Variants in THRAP3 observed in about 807,000 individuals in gnomAD.
THRAP3 encodes thyroid hormone receptor associated protein 3.
Under a neutral mutation model 101.0 loss-of-function variants are expected in THRAP3, and 16 were observed. The observed-to-expected ratio is 0.16, with a 90% CI of 0.11 to 0.24. THRAP3 has a LOEUF of 0.24. Among genes scored for constraint, THRAP3 ranks in the 10% least tolerant of loss-of-function variants. The pLI is 1.00. For synonymous variants in THRAP3, 407 were observed against 422.6 expected, an observed-to-expected ratio of 0.96 and a Z score of 0.45; for missense variants, 989 against 1,202.7, an observed-to-expected ratio of 0.82 and a Z score of 2.63.
intron 1 of THRAP3, among the ~76,000 whole-genome samples, chr1:36,253,760 A>ATTTTTT (rs58306701): frequency 0.8 from 80,596 of 100,172 alleles, 33,651 homozygotes; most frequent in South Asian, 0.91. Context: ...AGTCAGGCTA[A>ATTTTTT]TTTTTTTTTT....
At chr1:36,270,737 C>T (rs1266627300) in intron 2 of THRAP3, among the ~76,000 whole-genome samples, 2 of 151,788 alleles carry the variant, frequency 1.3e-5, no homozygotes, top group African/African-American at 4.8e-5. Flanking sequence ...CCCACCACGC[C>T]TAGCGAATTT....
intron 2 of THRAP3, among the ~76,000 whole-genome samples, chr1:36,267,390 G>C (rs1033986955): frequency 2.6e-5 from 4 of 152,116 alleles, no homozygotes; most frequent in Non-Finnish European, 5.9e-5. Flanking sequence ...CAATACAGCT[G>C]TTCCGAATCA....
chr1:36,301,405 G>C (rs1158299729), intron 10 of THRAP3, 148 bp from the exon 11 acceptor site: 1 of 1,071,922 alleles, frequency 9.3e-7, no homozygotes. Context: ...TGAGCAGAAA[G>C]GGAATGGCTG....
At chr1:36,272,325 T>C (rs1287991521) in intron 2 of THRAP3, among the ~76,000 whole-genome samples, 1 of 152,218 alleles carries the variant, frequency 6.6e-6, no homozygotes, top group African/African-American at 2.4e-5. Flanking sequence ...AATTAGTATT[T>C]ACTGATTTAC....
upstream of THRAP3, among the ~76,000 whole-genome samples, chr1:36,220,972 A>ATATATATATATATAT (rs1553189233): frequency 1.1e-5 from 1 of 94,124 alleles, no homozygotes; most frequent in African/African-American, 4.7e-5. Context: ...AAAAAAAAAA[A>ATATATATATATATAT]ATATATATAT....
At chr1:36,213,173 G>T in the THRAP3 span, among the ~76,000 whole-genome samples, 1 of 152,118 alleles carries the variant, frequency 6.6e-6, no homozygotes, top group African/African-American at 2.4e-5. Context: ...TACCATGCAG[G>T]GCCTTGTAGA....
At chr1:36,296,488 C>T in intron 8 of THRAP3, 95 bp from the exon 9 acceptor site, 2 of 980,698 alleles carry the variant, frequency 2.0e-6, no homozygotes, top group Non-Finnish European at 1.5e-6. Context: ...GCTTCCTCTG[C>T]ACCCCTCCAT....
intron 1 of THRAP3, among the ~76,000 whole-genome samples, chr1:36,229,603 A>G (rs1223207626): frequency 6.6e-6 from 1 of 151,978 alleles, no homozygotes; most frequent in African/African-American, 2.4e-5. Context: ...TGTTTACAGT[A>G]CATATTTTAA....
chr1:36,249,451 A>G (rs1570262436), intron 1 of THRAP3, among the ~76,000 whole-genome samples: 1 of 151,970 alleles, frequency 6.6e-6, no homozygotes, highest in East Asian at 1.9e-4. Flanking sequence ...TCTGCCTCCC[A>G]AAGTGCTGAG....
At chr1:36,301,467 G>GA in intron 10 of THRAP3, 86 bp from the exon 11 acceptor site, 1 of 1,525,110 alleles carries the variant, frequency 6.6e-7, no homozygotes, top group Non-Finnish European at 8.8e-7. Context: ...TTCCACACCA[G>GA]AAAAATGTTT....
chr1:36,232,335 C>T (rs1409865507), intron 1 of THRAP3, among the ~76,000 whole-genome samples: 1 of 152,154 alleles, frequency 6.6e-6, no homozygotes, highest in South Asian at 2.1e-4. Context: ...TAAAGAGTTG[C>T]TGTATCACCT....
chr1:36,291,618 A>C (rs1027836988), intron 6 of THRAP3, 72 bp downstream of exon 6: 21 of 1,554,750 alleles, frequency 1.4e-5, no homozygotes, highest in Non-Finnish European at 1.8e-5. Flanking sequence ...TGGGTGGATA[A>C]GGAGTTTTGG....
upstream of THRAP3, among the ~76,000 whole-genome samples, chr1:36,221,716 T>A (rs1056056050): frequency 6.6e-6 from 1 of 152,094 alleles, no homozygotes; most frequent in Non-Finnish European, 1.5e-5. Flanking sequence ...CCCGAGTAGC[T>A]GGGATTACAG....
In THRAP3 at chr1:36,286,706, C is replaced by T. The variant is rs771846720; in HGVS notation, c.476C>T (p.Ser159Phe). The T allele has an allele frequency of 1.2e-6, 2 of 1,614,206 alleles. No individual in the cohort carries two copies. The highest frequency in any genetic ancestry group is 1.7e-6 in the Non-Finnish European group (2 of 1,180,038). Reference sequence around the variant, plus strand: ...TCTGACCGGTCAAGGCGCTCCTCATCCTCCCGTTCTTCCTCCAACCATAGC... The same window carrying T: ...TCTGACCGGTCAAGGCGCTCCTCATTCTCCCGTTCTTCCTCCAACCATAGC... ...SSSDRSRRSS[S>F]SRSSSNHSRV... is the part of the protein sequence containing the mutation. Residue 159 changes from serine to phenylalanine, a missense_variant, in exon 4 of 12, where the codon TCC becomes TTC. Transcript: ENST00000354618. The surrounding 1 kb of genome is among the most constrained non-coding windows in gnomAD (Gnocchi z 5.5).
upstream of THRAP3, among the ~76,000 whole-genome samples, chr1:36,221,753 C>A (rs1024228342): frequency 6.7e-6 from 1 of 150,218 alleles, no homozygotes; most frequent in Non-Finnish European, 1.5e-5. Flanking sequence ...CCAGCTAATT[C>A]TTTTGTATTT....
intron 2 of THRAP3, among the ~76,000 whole-genome samples, chr1:36,279,108 T>A (rs1238452959): frequency 6.6e-6 from 1 of 152,182 alleles, no homozygotes; most frequent in Admixed American, 6.5e-5. Flanking sequence ...TTTGGCTCTG[T>A]TTGTATTTAC....
In THRAP3 at chr1:36,300,962, G is replaced by C. The variant is rs1226674972; in HGVS notation, c.2380G>C (p.Glu794Gln). The change falls in exon 10 of 12, where the codon GAG becomes CAG. Residue 794 changes from glutamate (E) to glutamine (Q), a missense_variant. Physicochemically the swap from Glu to Gln is conservative, Grantham distance 29. Transcript: ENST00000354618. ...GTCATCTCACTCCTACAAAGCAGAA[G>C]AGTACACTGAAGAGACAGAGGAAAG... The part of the protein sequence containing the change: ...SQSSHSYKAE[E>Q]YTEETEEREE... The C allele has an allele frequency of 6.2e-7, 1 of 1,614,032 alleles. No individual in the cohort carries two copies. The highest frequency in any genetic ancestry group is 1.3e-5 in the African/African-American group (1 of 74,914).
rs768628640 is a variant in THRAP3, at chr1:36,296,677, C to T, written c.2210C>T (p.Ser737Leu). Residue 737 changes from serine to leucine, a missense_variant, in exon 9 of 12, where the codon TCG becomes TTG. Coordinates refer to ENST00000354618, the MANE Select transcript of THRAP3 (RefSeq NM_005119.4). ...HKERDLKRGK[S>L]RESVDSRDSS... ...GAGAGAGATCTTAAACGAGGTAAAT[C>T]GAGAGAATCAGTGGATTCCCGAGAC... 2.2e-4 allele frequency: 357 copies of T among 1,610,266 alleles called. No homozygotes were observed. Among genetic ancestry groups the T allele is most frequent in the Non-Finnish European group, 2.9e-4 (347 of 1,179,154 alleles).
At chr1:36,231,620 T>G (rs1645028377) in intron 1 of THRAP3, among the ~76,000 whole-genome samples, 1 of 151,464 alleles carries the variant, frequency 6.6e-6, no homozygotes, top group South Asian at 2.1e-4. Context: ...GTATGTGAGG[T>G]TAACAACTCA....
Sources: gnomAD v4.1 joint callset for allele counts (sites outside exome capture counted in the v4.1 genomes callset) on GRCh38, gnomAD v4.1.1 for gene constraint, Gnocchi (gnomAD v3.1) non-coding constraint, MANE v1.5 for transcripts, NCBI Gene and HGNC (gene_info 2026-07-23, HGNC 2026-07-21) for gene names.